The following EFR3A variants were observed in gnomAD, a reference collection of about 807,000 sequenced individuals.
The protein encoded by EFR3A is EFR3 homolog A.
EFR3A carries 76 observed loss-of-function variants against 104.4 expected under a neutral mutation model. The observed-to-expected ratio is 0.73, with a 90% CI of 0.60 to 0.88. EFR3A has a LOEUF of 0.88. Ranked by LOEUF, EFR3A falls within the 40% of genes least tolerant of loss-of-function variation. The pLI, the probability that EFR3A is intolerant of heterozygous loss-of-function variation, is 0.00. For missense variants in EFR3A, 985 were observed against 1,012.5 expected, an observed-to-expected ratio of 0.97 and a Z score of 0.37; for synonymous variants, 330 against 330.0, an observed-to-expected ratio of 1.00 and a Z score of 0.00.
At chr8:131,985,191 T>C in intron 16 of EFR3A, 131 bp downstream of exon 16, 1 of 925,404 alleles carries the variant, frequency 1.1e-6, no homozygotes, top group Non-Finnish European at 1.6e-6. Context: ...CTACAGCCAG[T>C]AAACTGAAAC....
In EFR3A at chr8:131,968,442, TAAATA is replaced by T. The variant is rs780518491; in HGVS notation, c.991+23_991+27del. ...TAAAGGTTCCATAGGTGAGTGCCAATAAATAAAATAAAATAGTGCGTTGATCTGGT... is the reference window on the plus strand; with the variant it reads ...TAAAGGTTCCATAGGTGAGTGCCAATAAATAAAATAGTGCGTTGATCTGGT... On this transcript the variant is annotated intron_variant, in intron 9 of 22. Coordinates refer to ENST00000254624, the MANE Select transcript of EFR3A (RefSeq NM_015137.6). 91 of 1,611,964 alleles carry T rather than the reference TAAATA, an allele frequency of 5.6e-5. No individual in the cohort carries two copies. The highest frequency in any genetic ancestry group is 4.0e-4 in the Admixed American group (24 of 59,886).
At position 131,937,596 on chromosome 8, in the gene EFR3A, G is replaced by A. The variant is rs551292421; in HGVS notation, c.11-2903G>A. On this transcript the variant is annotated intron_variant, in intron 1 of 22. Transcript: ENST00000254624. ...GGATAGTTTTCTCTTTTATGTGCTGGAATTAATTTATTTTTACTGATAATA... is the reference window on the plus strand; with the variant it reads ...GGATAGTTTTCTCTTTTATGTGCTGAAATTAATTTATTTTTACTGATAATA... 1.8e-3 allele frequency among the ~76,000 whole-genome samples: 279 copies of A among 152,094 alleles called. 2 individuals are homozygous for A. Among genetic ancestry groups the A allele is most frequent in the African/African-American group, 6.5e-3 (271 of 41,510 alleles).
chr8:131,977,586 G>A (rs982199701), intron 12 of EFR3A, among the ~76,000 whole-genome samples: 1 of 152,128 alleles, frequency 6.6e-6, no homozygotes, highest in Admixed American at 6.6e-5. Context: ...CAGAATGAAA[G>A]GTCCTCTGGT....
chr8:131,908,139 C>G (rs1415810070), intron 1 of EFR3A, among the ~76,000 whole-genome samples: 1 of 151,872 alleles, frequency 6.6e-6, no homozygotes. Flanking sequence ...CTGTTCACTG[C>G]AACCTCCAAA....
At chr8:131,960,403 G>A (rs1235741900) in intron 8 of EFR3A, among the ~76,000 whole-genome samples, 3 of 152,052 alleles carry the variant, frequency 2.0e-5, no homozygotes, top group Non-Finnish European at 4.4e-5. Flanking sequence ...GCAGATTTTG[G>A]TATGGGGTGG....
At chr8:131,986,642 G>A (rs1820899273) in intron 17 of EFR3A, among the ~76,000 whole-genome samples, 1 of 151,958 alleles carries the variant, frequency 6.6e-6, no homozygotes, top group Non-Finnish European at 1.5e-5. Flanking sequence ...AAAATTAGCT[G>A]GGTATGGTGG....
chr8:131,996,927 A>G (rs945504843), intron 19 of EFR3A, among the ~76,000 whole-genome samples: 1 of 152,112 alleles, frequency 6.6e-6, no homozygotes, highest in East Asian at 1.9e-4. Flanking sequence ...AATGCTGACT[A>G]CCTTTGAAAA....
intron 19 of EFR3A, among the ~76,000 whole-genome samples, chr8:131,999,656 A>G (rs1465284446): frequency 1.3e-5 from 2 of 152,142 alleles, no homozygotes; most frequent in Non-Finnish European, 2.9e-5. Context: ...GCTATGGTAT[A>G]TAAAAATATG....
Position 131,970,485 on chromosome 8 carries a change from T to C in EFR3A, c.1001T>C (p.Val334Ala). Residue 334 changes from valine to alanine, a missense_variant, in exon 10 of 23, where the codon GTG becomes GCG. Physicochemically the swap from Val to Ala is moderately conservative, Grantham distance 64. Coordinates refer to ENST00000254624, the MANE Select transcript of EFR3A (RefSeq NM_015137.6). ...IAAKGSIGPT[V>A]LEVFNTLLKH... ...AAGTGATCCTTTATAGGTCCGACAG[T>C]GCTGGAAGTCTTCAATACCCTTTTG... The C allele has an allele frequency of 1.2e-6, 2 of 1,613,706 alleles. No homozygotes were observed. Among genetic ancestry groups the C allele is most frequent in the Non-Finnish European group, 1.7e-6 (2 of 1,179,704 alleles).
chr8:131,967,629 CT>C (rs1819814109), intron 8 of EFR3A, among the ~76,000 whole-genome samples: 2 of 149,402 alleles, frequency 1.3e-5, no homozygotes, highest in Non-Finnish European at 3.0e-5. Context: ...TTTGGCTATC[CT>C]TTTTTTGATT....
chr8:131,990,116 A>G (rs943973451), intron 18 of EFR3A, among the ~76,000 whole-genome samples: 2 of 152,218 alleles, frequency 1.3e-5, no homozygotes, highest in African/African-American at 4.8e-5. Context: ...GCCAGAATGA[A>G]CAAGACGGGT....
chr8:131,979,162 T>A, intron 13 of EFR3A, 143 bp downstream of exon 13: 2 of 1,085,082 alleles, frequency 1.8e-6, no homozygotes, highest in Non-Finnish European at 2.6e-6. Context: ...TGAGATAATT[T>A]AATCAATATG....
chr8:131,926,847 A>G (rs554177036), intron 1 of EFR3A, among the ~76,000 whole-genome samples: 127 of 146,314 alleles, frequency 8.7e-4, no homozygotes, highest in Non-Finnish European at 1.6e-3. Flanking sequence ...AAATGCTGTT[A>G]GTTTTCATTT....
intron 18 of EFR3A, among the ~76,000 whole-genome samples, chr8:131,993,327 A>G (rs1035807011): frequency 4.6e-5 from 7 of 152,192 alleles, no homozygotes; most frequent in African/African-American, 1.4e-4. Context: ...TGGAGCTACC[A>G]CTGTCTGGCA....
At position 131,954,645 on chromosome 8, in the gene EFR3A, T is replaced by C. The variant is rs879478150; in HGVS notation, c.638+678T>C. 5.8e-4 allele frequency among the ~76,000 whole-genome samples: 86 copies of C among 149,462 alleles called. 1 individual carries two copies. The highest frequency in any genetic ancestry group is 1.3e-3 in the Admixed American group (20 of 14,926). On this transcript the variant is annotated intron_variant, in intron 6 of 22. Coordinates refer to ENST00000254624, the MANE Select transcript of EFR3A (RefSeq NM_015137.6). ...AATAAATAAATAGTGAAATATTTAT[T>C]ATAAATAATATTTTAAATATTTAAT... is the stretch of plus-strand genomic sequence containing the variant.
chr8:131,959,677 A>T lies in EFR3A; in HGVS notation c.855+14A>T. ...TATTCCATTCAGGTAAGGTTTGATTAACTATTTACTGTATTTATATAAGTA... is the reference window on the plus strand; with the variant it reads ...TATTCCATTCAGGTAAGGTTTGATTTACTATTTACTGTATTTATATAAGTA... On this transcript the variant is annotated intron_variant, in intron 8 of 22. Coordinates refer to ENST00000254624, the MANE Select transcript of EFR3A (RefSeq NM_015137.6). 1 of 1,585,394 alleles carries T rather than the reference A, an allele frequency of 6.3e-7. No individual in the cohort carries two copies. Among genetic ancestry groups the T allele is most frequent in the Non-Finnish European group, 8.6e-7 (1 of 1,161,752 alleles).
At chr8:131,994,199 C>T (rs1024835115) in intron 18 of EFR3A, among the ~76,000 whole-genome samples, 56 of 151,600 alleles carry the variant, frequency 3.7e-4, no homozygotes, top group Admixed American at 2.8e-3. Context: ...GCTCTGATCA[C>T]ACCACTGTAC....
intron 19 of EFR3A, among the ~76,000 whole-genome samples, chr8:131,997,020 T>C (rs1251189696): frequency 1.3e-5 from 2 of 152,102 alleles, no homozygotes; most frequent in African/African-American, 4.8e-5. Flanking sequence ...CAGTGAACTA[T>C]GTACTCTGTA....
Position 132,013,070 on chromosome 8 carries a change from C to G in EFR3A, c.*2175C>G, listed in dbSNP as rs564085422. ...TCTCCCATATCTGCAAGAGATTCTGCAGGAACTGGGTGTGCACACGGTGTT... is the reference window on the plus strand; with the variant it reads ...TCTCCCATATCTGCAAGAGATTCTGGAGGAACTGGGTGTGCACACGGTGTT... On this transcript the variant is annotated 3_prime_UTR_variant, in exon 23 of 23. Transcript: ENST00000254624. 6.6e-6 allele frequency: 1 copy of G among 152,262 alleles called. No homozygotes were observed. Among genetic ancestry groups the G allele is most frequent in the East Asian group, 1.9e-4 (1 of 5,186 alleles). The allele number at this position is 152,262 out of a possible 1,614,324, so 9.4% of individuals were successfully genotyped here.
Sources: gnomAD v4.1 joint callset for allele counts (sites outside exome capture counted in the v4.1 genomes callset) on GRCh38, gnomAD v4.1.1 for gene constraint, MANE v1.5 for transcripts, NCBI Gene and HGNC (gene_info 2026-07-23, HGNC 2026-07-21) for gene names.